TSPEAR: variants seen among roughly 807,000 people sequenced by gnomAD.
TSPEAR encodes the protein thrombospondin-type laminin G domain and EAR repeat-containing protein.
Under a neutral mutation model 71.6 loss-of-function variants are expected in TSPEAR, and 69 were observed. That is an observed-to-expected ratio of 0.96 (90% CI 0.79 to 1.18). The LOEUF (loss-of-function observed/expected upper bound fraction) is 1.18. Among genes scored for constraint, TSPEAR ranks in the 50% most tolerant of loss-of-function variants. TSPEAR has a pLI of 0.00. For synonymous variants in TSPEAR, 402 were observed against 387.2 expected (o/e 1.04, Z -0.45); for missense variants, 971 against 894.9 (o/e 1.09, Z -1.09).
chr21:44,536,593 G>A (rs1459623886), intron 2 of TSPEAR, among the ~76,000 whole-genome samples: 1 of 152,252 alleles, frequency 6.6e-6, no homozygotes, highest in Non-Finnish European at 1.5e-5. Flanking sequence ...ACTGCGTGTA[G>A]TGGTGAACCT....
chr21:44,656,487 T>C (rs987197480), intron 1 of TSPEAR, among the ~76,000 whole-genome samples: 28 of 152,232 alleles, frequency 1.8e-4, no homozygotes, highest in African/African-American at 6.3e-4. Flanking sequence ...TTTAAAGAAG[T>C]TGTTCCATTG....
rs2134592 is a variant in TSPEAR, at chr21:44,661,559, G to A, written c.82+49874C>T. On this transcript the variant is annotated intron_variant, in intron 1 of 11. Coordinates refer to ENST00000323084, the MANE Select transcript of TSPEAR (RefSeq NM_144991.3). ...TGAAAGGACGTATTAGGCTATTATC[G>A]CCTTGCTATAAGGAAATACCTGAGA... Among the ~76,000 whole-genome samples the A allele has an allele frequency of 2.8e-3, 420 of 152,224 alleles. 4 individuals carry two copies. The highest frequency in any genetic ancestry group is 9.1e-3 in the Admixed American group (139 of 15,290).
rs587678215 is a variant in TSPEAR at position 44,632,432 on chromosome 21, T to C, written c.83-64427A>G. Among the ~76,000 whole-genome samples the C allele has an allele frequency of 9.5e-4, 145 of 152,338 alleles. 1 individual carries two copies. The highest frequency in any genetic ancestry group is 3.5e-3 in the African/African-American group (144 of 41,584). On this transcript the variant is annotated intron_variant, in intron 1 of 11. Coordinates refer to ENST00000323084, the MANE Select transcript of TSPEAR (RefSeq NM_144991.3). ...ACTAAAGGAGAAATTAGGACACTTC[T>C]GGATAAATAAATGCTGAGAGAGTTT...
chr21:44,677,652 A>C (rs1986379963), intron 1 of TSPEAR: 17 of 1,267,788 alleles, frequency 1.3e-5, no homozygotes, highest in Non-Finnish European at 2.0e-5. Context: ...AGGGACCAAC[A>C]CTGTATCACC....
chr21:44,581,207 C>G (rs1978950333), intron 1 of TSPEAR, among the ~76,000 whole-genome samples: 1 of 152,176 alleles, frequency 6.6e-6, no homozygotes, highest in Admixed American at 6.5e-5. Flanking sequence ...AGAGCCCTCT[C>G]TCTGTTTTAT....
intron 1 of TSPEAR, chr21:44,647,421 G>A (rs1460195907): frequency 5.2e-6 from 8 of 1,548,444 alleles, no homozygotes; most frequent in Non-Finnish European, 7.0e-6. Context: ...AGTCTCAGGA[G>A]CCCCTGGAGT....
At chr21:44,653,138 C>A (rs782000334) in intron 1 of TSPEAR, among the ~76,000 whole-genome samples, 4 of 152,082 alleles carry the variant, frequency 2.6e-5, no homozygotes, top group Non-Finnish European at 4.4e-5. Context: ...AGCCTGGTGA[C>A]AGAGCGAGAC....
At chr21:44,544,645 G>T (rs893000151) in intron 2 of TSPEAR, among the ~76,000 whole-genome samples, 1 of 152,300 alleles carries the variant, frequency 6.6e-6, no homozygotes, top group Non-Finnish European at 1.5e-5. Flanking sequence ...ACCTTAGGAA[G>T]TGGGACCTGT....
intron 3 of TSPEAR, 117 bp downstream of exon 3, chr21:44,533,568 T>TCAGCTCCTGCCCCAGGA (rs2053019663): frequency 6.9e-6 from 6 of 875,018 alleles, no homozygotes; most frequent in South Asian, 6.5e-5. Context: ...CTGACCCTGG[T>TCAGCTCCTGCCCCAGGA]CAGCTCCTGC....
rs1450998480 is a variant in TSPEAR at position 44,567,899 on chromosome 21, T to C, written c.189A>G (p.Val63=). 6.2e-6 allele frequency: 10 copies of C among 1,608,288 alleles called. No homozygotes were observed. In the African/African-American group the frequency reaches 8.0e-5, roughly 13 times the overall value. ...VHGARGLQLS[V]AAPRTMSFPA... ...GGAAGCTCATGGTGCGGGGGGCGGCTACTGAGAGCTGGAGTCCCCGTGCAC... is the reference window on the plus strand; with the variant it reads ...GGAAGCTCATGGTGCGGGGGGCGGCCACTGAGAGCTGGAGTCCCCGTGCAC... The change falls in exon 2 of 12, where the codon GTA becomes GTG. Residue 63 remains valine (V), a synonymous_variant. Transcript: ENST00000323084.
intron 1 of TSPEAR, among the ~76,000 whole-genome samples, chr21:44,641,557 A>C (rs587742447): frequency 6.6e-6 from 1 of 152,310 alleles, no homozygotes; most frequent in African/African-American, 2.4e-5. Context: ...CGCAGTGGGG[A>C]GAAAATCCAA....
chr21:44,706,031 A>G (rs554452890), intron 1 of TSPEAR, among the ~76,000 whole-genome samples: 145 of 152,180 alleles, frequency 9.5e-4, no homozygotes, highest in Non-Finnish European at 1.6e-3. Context: ...TTCTCAAGCC[A>G]GTCGATGCTT....
intron 2 of TSPEAR, chr21:44,550,230 A>C (rs2053382400): frequency 4.6e-6 from 1 of 219,018 alleles, no homozygotes; most frequent in Admixed American, 5.2e-5. Flanking sequence ...CAGGTGTCAC[A>C]CAAGAGCCCC....
At chr21:44,511,951 C>T (rs927560800) in intron 9 of TSPEAR, among the ~76,000 whole-genome samples, 3 of 152,224 alleles carry the variant, frequency 2.0e-5, no homozygotes, top group Non-Finnish European at 4.4e-5. Flanking sequence ...CCAAAGGAGC[C>T]CTGGAACGGG....
intron 3 of TSPEAR, among the ~76,000 whole-genome samples, chr21:44,532,290 C>A (rs141644594): frequency 3.3e-5 from 5 of 152,382 alleles, no homozygotes; most frequent in East Asian, 1.9e-4. Context: ...GGCAGGTGAA[C>A]GTTTGTCCAG....
chr21:44,630,549 A>C (rs1178730532), intron 1 of TSPEAR, among the ~76,000 whole-genome samples: 1 of 152,184 alleles, frequency 6.6e-6, no homozygotes, highest in South Asian at 2.1e-4. Context: ...TGGGGCACAG[A>C]AAAGACCTGA....
chr21:44,527,250 C>T (rs2052875550), intron 7 of TSPEAR, 42 bp downstream of exon 7: 1 of 1,609,552 alleles, frequency 6.2e-7, no homozygotes, highest in Non-Finnish European at 8.5e-7. Flanking sequence ...CGGGGCTTTC[C>T]AAGAGAAAGG....
Position 44,521,898 on chromosome 21 carries a change from G to A in TSPEAR, c.1551C>T (p.Leu517=). The A allele has an allele frequency of 6.2e-7, 1 of 1,613,774 alleles. No homozygotes were observed. The highest frequency in any genetic ancestry group is 8.5e-7 in the Non-Finnish European group (1 of 1,179,892). Residue 517 remains leucine (L), a synonymous_variant, in exon 9 of 12, where the codon CTC becomes CTT. Coordinates refer to ENST00000323084, the MANE Select transcript of TSPEAR (RefSeq NM_144991.3). ...GGGGCCTTACCGGGAAGGACTGGAA[G>A]AGCTGGAAGGAGCCCAGGAGTCGGA... The part of the protein sequence containing the change: ...LYIRLLGSFQ[L]FQSFPTFGAA...
chr21:44,521,872 G>A lies in TSPEAR; in HGVS notation c.1566+11C>T. Reference sequence around the variant, plus strand: ...GCAATGGAGAGCCGGGGCTCATGCGGGGGGCCTTACCGGGAAGGACTGGAA... The same window carrying A: ...GCAATGGAGAGCCGGGGCTCATGCGAGGGGCCTTACCGGGAAGGACTGGAA... On this transcript the variant is annotated intron_variant, in intron 9 of 11. Coordinates refer to ENST00000323084, the MANE Select transcript of TSPEAR (RefSeq NM_144991.3). 6.2e-7 allele frequency: 1 copy of A among 1,611,684 alleles called. No homozygotes were observed. The highest frequency in any genetic ancestry group is 8.5e-7 in the Non-Finnish European group (1 of 1,178,532).
Sources: allele counts gnomAD v4.1 joint callset (sites outside exome capture counted in the v4.1 genomes callset), GRCh38; gene constraint gnomAD v4.1.1; transcripts MANE v1.5; gene names NCBI Gene and HGNC (gene_info 2026-07-23, HGNC 2026-07-21).